RCAN2: variants seen among roughly 807,000 people sequenced by gnomAD.
The protein encoded by RCAN2 is calcipressin-2.
In RCAN2, 9 loss-of-function variants were observed where a neutral mutation model predicts 23.6. That is an observed-to-expected ratio of 0.38 (90% CI 0.23 to 0.67). The LOEUF (loss-of-function observed/expected upper bound fraction) is 0.67. Among genes scored for constraint, RCAN2 ranks in the 30% least tolerant of loss-of-function variants. The probability of loss-of-function intolerance (pLI) is 0.51; values close to 1 mark genes in which losing one functional copy is unlikely to be tolerated. For missense variants in RCAN2, 273 were observed against 302.3 expected (o/e 0.90, Z 0.72); for synonymous variants, 109 against 115.7 (o/e 0.94, Z 0.37).
intron 2 of RCAN2, among the ~76,000 whole-genome samples, chr6:46,439,954 A>C (rs1767484063): frequency 1.3e-5 from 2 of 152,220 alleles, no homozygotes; most frequent in South Asian, 4.1e-4. Flanking sequence ...AAGCTGCACA[A>C]TGGTAAGTTT....
intron 2 of RCAN2, among the ~76,000 whole-genome samples, chr6:46,447,819 A>G (rs1193555684): frequency 1.3e-5 from 2 of 151,818 alleles, no homozygotes; most frequent in Non-Finnish European, 3.0e-5. Flanking sequence ...ACTAAAATCT[A>G]GTAGCATACT....
At chr6:46,377,784 G>A (rs1765517357) in intron 2 of RCAN2, among the ~76,000 whole-genome samples, 1 of 152,112 alleles carries the variant, frequency 6.6e-6, no homozygotes, top group Non-Finnish European at 1.5e-5. Context: ...GAAAGGGAGG[G>A]GTACTAATTC....
In RCAN2 at chr6:46,245,398, C is replaced by T. The variant is rs146718275; in HGVS notation, c.571+1350G>A. On this transcript the variant is annotated intron_variant, in intron 4 of 4. Transcript: ENST00000371374. ...ATCTTAATCTAGGTACCTGGTAAGA[C>T]GACCAGCTTTTCTTGGTTTGCCTGG... is the stretch of plus-strand genomic sequence containing the variant. Among the ~76,000 whole-genome samples the T allele has an allele frequency of 4.0e-3, 614 of 152,230 alleles. 3 individuals are homozygous for T. The highest frequency in any genetic ancestry group is 0.021 in the South Asian group (102 of 4,810).
At chr6:46,482,593 A>T (rs2153616) in intron 1 of RCAN2, among the ~76,000 whole-genome samples, 104,756 of 152,074 alleles carry the variant, frequency 0.69, 36,051 homozygotes, top group South Asian at 0.78. Flanking sequence ...TTCTTTCCTA[A>T]AAGATATGCC....
At chr6:46,470,500 T>TC (rs1455128674) in intron 1 of RCAN2, among the ~76,000 whole-genome samples, 1 of 152,222 alleles carries the variant, frequency 6.6e-6, no homozygotes, top group African/African-American at 2.4e-5. Context: ...GGCTTGCTTG[T>TC]CTTTTTGAGG....
At chr6:46,331,305 TCA>T (rs898818110) in intron 2 of RCAN2, among the ~76,000 whole-genome samples, 6 of 151,876 alleles carry the variant, frequency 4.0e-5, no homozygotes, top group Admixed American at 3.9e-4. Context: ...GACACTGCAC[TCA>T]GTTTTTTTTT....
At chr6:46,371,064 G>A (rs1275659955) in intron 2 of RCAN2, among the ~76,000 whole-genome samples, 1 of 152,188 alleles carries the variant, frequency 6.6e-6, no homozygotes. Flanking sequence ...TGTATAGTAT[G>A]TATGTACATT....
chr6:46,414,578 G>A (rs1195503280), intron 2 of RCAN2, among the ~76,000 whole-genome samples: 1 of 152,158 alleles, frequency 6.6e-6, no homozygotes, highest in Non-Finnish European at 1.5e-5. Flanking sequence ...TTTGAGTGAA[G>A]CATATTACCC....
At chr6:46,351,942 C>T (rs1179824811) in intron 2 of RCAN2, among the ~76,000 whole-genome samples, 2 of 152,158 alleles carry the variant, frequency 1.3e-5, no homozygotes, top group Admixed American at 6.5e-5. Flanking sequence ...CTGTTCAATG[C>T]TTGCCTCTAG....
chr6:46,361,050 C>G (rs1490951762), intron 2 of RCAN2, among the ~76,000 whole-genome samples: 2 of 117,412 alleles, frequency 1.7e-5, no homozygotes, highest in Admixed American at 8.7e-5. Flanking sequence ...CCTTAAATCA[C>G]AAAGTGGTTT....
At chr6:46,453,308 T>C (rs1160101090) in intron 2 of RCAN2, among the ~76,000 whole-genome samples, 1 of 152,236 alleles carries the variant, frequency 6.6e-6, no homozygotes, top group Non-Finnish European at 1.5e-5. Context: ...CATTTATTGG[T>C]TTCAGATGCC....
chr6:46,457,759 A>G (rs1158267093), intron 1 of RCAN2, among the ~76,000 whole-genome samples: 3 of 152,150 alleles, frequency 2.0e-5, no homozygotes, highest in Admixed American at 6.5e-5. Flanking sequence ...AATCAGTGCT[A>G]TCTTGATCAA....
chr6:46,453,084 A>G (rs765065682), intron 2 of RCAN2, among the ~76,000 whole-genome samples: 23 of 152,188 alleles, frequency 1.5e-4, no homozygotes, highest in Non-Finnish European at 3.1e-4. Context: ...GCATAGACAC[A>G]GGGCAGCTCA....
At chr6:46,439,434 T>G in intron 2 of RCAN2, among the ~76,000 whole-genome samples, 1 of 152,232 alleles carries the variant, frequency 6.6e-6, no homozygotes, top group East Asian at 1.9e-4. Flanking sequence ...TAAATAGAAA[T>G]TATTTTTACC....
intron 1 of RCAN2, among the ~76,000 whole-genome samples, chr6:46,478,864 C>A (rs115300413): frequency 5.3e-4 from 81 of 152,326 alleles, no homozygotes; most frequent in Admixed American, 9.1e-4. Flanking sequence ...GCTGGTACTA[C>A]TTCCTAGCCC....
At chr6:46,227,966 T>C (rs1215767351) in intron 4 of RCAN2, among the ~76,000 whole-genome samples, 9 of 152,248 alleles carry the variant, frequency 5.9e-5, no homozygotes, top group Non-Finnish European at 1.3e-4. Context: ...GAGATTCTGG[T>C]ATGTTGTGTC....
intron 2 of RCAN2, among the ~76,000 whole-genome samples, chr6:46,310,098 T>C (rs1763206850): frequency 6.6e-6 from 1 of 152,144 alleles, no homozygotes; most frequent in African/African-American, 2.4e-5. Flanking sequence ...TGTTACAAAG[T>C]GCTCCAATTC....
chr6:46,392,399 T>C (rs1183423235), intron 2 of RCAN2, among the ~76,000 whole-genome samples: 2 of 152,202 alleles, frequency 1.3e-5, no homozygotes, highest in Non-Finnish European at 2.9e-5. Context: ...ACTGAAGCTG[T>C]TAAATATTTC....
chr6:46,366,368 G>C (rs1446455019), intron 2 of RCAN2, among the ~76,000 whole-genome samples: 1 of 152,100 alleles, frequency 6.6e-6, no homozygotes, highest in Non-Finnish European at 1.5e-5. Context: ...TGTAAGAAGA[G>C]GCCATTTCTC....
Sources: allele counts gnomAD v4.1 joint callset (sites outside exome capture counted in the v4.1 genomes callset), GRCh38; gene constraint gnomAD v4.1.1; transcripts MANE v1.5; gene names NCBI Gene and HGNC (gene_info 2026-07-23, HGNC 2026-07-21).